MAP2: variants seen among roughly 807,000 people sequenced by gnomAD.
MAP2 encodes the protein microtubule-associated protein 2.
In MAP2, 14 loss-of-function variants were observed where a neutral mutation model predicts 137.6. The observed-to-expected ratio is 0.10, with a 90% CI of 0.07 to 0.16. The LOEUF (loss-of-function observed/expected upper bound fraction) is 0.16. Ranked by LOEUF, MAP2 falls within the 10% of genes least tolerant of loss-of-function variation. MAP2 has a pLI of 1.00. For synonymous variants in MAP2, 786 were observed against 782.3 expected (o/e 1.00, Z -0.08); for missense variants, 2,088 against 2,191.5 (o/e 0.95, Z 0.94).
At chr2:209,600,904 A>T (rs1030685602) in intron 3 of MAP2, among the ~76,000 whole-genome samples, 1 of 152,152 alleles carries the variant, frequency 6.6e-6, no homozygotes. Context: ...TTAAGCTTAC[A>T]CTTTCTTTAC....
Position 209,610,627 on chromosome 2 carries a change from C to T in MAP2, c.-106-14426C>T, listed in dbSNP as rs115187204. 7.5e-3 allele frequency among the ~76,000 whole-genome samples: 1,134 copies of T among 152,092 alleles called. 15 individuals carry two copies. The highest frequency in any genetic ancestry group is 0.026 in the African/African-American group (1,071 of 41,500). The stretch of plus-strand genomic sequence containing the variant: ...TGTATTATTTTCACAGGATAAACAG[C>T]CTCCTTATTAGAATTCTCCAATTCA... On this transcript the variant is annotated intron_variant, in intron 3 of 15. Coordinates refer to ENST00000682079, the MANE Select transcript of MAP2 (RefSeq NM_001375505.1).
chr2:209,544,360 T>C (rs2067624425), intron 2 of MAP2, among the ~76,000 whole-genome samples: 1 of 152,138 alleles, frequency 6.6e-6, no homozygotes, highest in African/African-American at 2.4e-5. Flanking sequence ...CAAAATGGTA[T>C]TGGGAGAAAT....
At chr2:209,501,908 C>T (rs1014313491) in intron 1 of MAP2, among the ~76,000 whole-genome samples, 25 of 152,138 alleles carry the variant, frequency 1.6e-4, no homozygotes, top group Non-Finnish European at 2.5e-4. Context: ...CACAGGACAG[C>T]TTGAGCCCAC....
chr2:209,655,931 G>A (rs542859185), intron 5 of MAP2, among the ~76,000 whole-genome samples: 1 of 152,104 alleles, frequency 6.6e-6, no homozygotes, highest in African/African-American at 2.4e-5. Flanking sequence ...TCCCCTCTTT[G>A]CATTTTAAAA....
At chr2:209,493,593 A>G (rs1210319939) in intron 1 of MAP2, among the ~76,000 whole-genome samples, 1 of 152,214 alleles carries the variant, frequency 6.6e-6, no homozygotes, top group Non-Finnish European at 1.5e-5. Context: ...ATTCACAAGA[A>G]AAAACAATCC....
chr2:209,512,221 AC>A (rs2061817391), intron 2 of MAP2, among the ~76,000 whole-genome samples: 1 of 152,138 alleles, frequency 6.6e-6, no homozygotes, highest in African/African-American at 2.4e-5. Context: ...TATGCTAATT[AC>A]TTTGATTATT....
At chr2:209,722,880 T>C (rs778950391) in intron 13 of MAP2, among the ~76,000 whole-genome samples, 5 of 152,228 alleles carry the variant, frequency 3.3e-5, no homozygotes, top group Non-Finnish European at 7.4e-5. Context: ...CCAATGGGCA[T>C]GGGTTTTCTT....
intron 14 of MAP2, among the ~76,000 whole-genome samples, chr2:209,726,141 A>G (rs538754856): frequency 5.8e-4 from 88 of 152,280 alleles, no homozygotes; most frequent in Non-Finnish European, 1.1e-3. Flanking sequence ...TAGCATTTCC[A>G]AGGTTTTTTT....
At chr2:209,560,579 A>G (rs2071806562) in intron 2 of MAP2, among the ~76,000 whole-genome samples, 1 of 151,222 alleles carries the variant, frequency 6.6e-6, no homozygotes, top group African/African-American at 2.4e-5. Flanking sequence ...TCCTGAGCTC[A>G]AGCAATCCCC....
chr2:209,722,107 G>A (rs2071335903), intron 13 of MAP2: 1 of 152,184 alleles, frequency 6.6e-6, no homozygotes, highest in Non-Finnish European at 1.5e-5. Flanking sequence ...TCCGTCTTAT[G>A]TGAAACATTT....
In MAP2 at chr2:209,694,822, A is replaced by G. The variant is rs779150458; in HGVS notation, c.2652A>G (p.Gln884=). 1.2e-6 allele frequency: 2 copies of G among 1,614,080 alleles called. No individual in the cohort carries two copies. The highest frequency in any genetic ancestry group is 1.7e-6 in the Non-Finnish European group (2 of 1,180,034). The change falls in exon 8 of 16, where the codon CAA becomes CAG. Residue 884 remains glutamine, a synonymous_variant. Transcript: ENST00000682079. The part of the protein sequence containing the change: ...KYTVPLPSPV[Q]DSENLSGESG... ...CAGTCCCATTGCCATCACCTGTTCA[A>G]GACAGTGAGAATTTATCAGGGGAGA...
Position 209,569,146 on chromosome 2 carries a change from G to T in MAP2, c.-171-10890G>T, listed in dbSNP as rs762124491. ...GGTTACTCAAACTCCCTATAAATGT[G>T]CCAAAGATGAAAAATCTAAAATTTG... On this transcript the variant is annotated intron_variant, in intron 2 of 15. Transcript: ENST00000682079. Among the ~76,000 whole-genome samples, 67 of 151,754 alleles carry T rather than the reference G, an allele frequency of 4.4e-4. 1 individual carries two copies. Among genetic ancestry groups the T allele is most frequent in the Middle Eastern group, 3.2e-3 (1 of 316 alleles).
At chr2:209,611,175 A>G (rs1242600007) in intron 3 of MAP2, among the ~76,000 whole-genome samples, 5 of 152,164 alleles carry the variant, frequency 3.3e-5, no homozygotes, top group African/African-American at 1.2e-4. Flanking sequence ...ATATCTTGAA[A>G]GCAGTATTCT....
intron 2 of MAP2, among the ~76,000 whole-genome samples, chr2:209,540,314 A>G (rs181607283): frequency 6.6e-6 from 1 of 151,970 alleles, no homozygotes; most frequent in Admixed American, 6.6e-5. Flanking sequence ...ATTTCTGGAT[A>G]TTGTCTCCAT....
At chr2:209,483,279 A>T (rs2057955355) in intron 1 of MAP2, among the ~76,000 whole-genome samples, 2 of 152,228 alleles carry the variant, frequency 1.3e-5, no homozygotes, top group Non-Finnish European at 2.9e-5. Context: ...AGAAGAGAAG[A>T]ATGTGAGTGT....
chr2:209,720,683 T>C (rs1438837684), intron 13 of MAP2, among the ~76,000 whole-genome samples: 3 of 151,062 alleles, frequency 2.0e-5, no homozygotes, highest in African/African-American at 7.3e-5. Flanking sequence ...TTGGCAGAGA[T>C]TAAAATGTGA....
intron 7 of MAP2, among the ~76,000 whole-genome samples, chr2:209,688,295 A>G (rs2057752925): frequency 6.6e-6 from 1 of 152,130 alleles, no homozygotes; most frequent in Non-Finnish European, 1.5e-5. Flanking sequence ...CTGGGGAAGA[A>G]CATATTCTTT....
chr2:209,436,030 A>ACAT (rs1459219355), intron 1 of MAP2, among the ~76,000 whole-genome samples: 1 of 137,330 alleles, frequency 7.3e-6, no homozygotes, highest in African/African-American at 2.6e-5. Flanking sequence ...TATAAAATAT[A>ACAT]TATATATGTA....
chr2:209,602,409 A>C (rs2083278986), intron 3 of MAP2, among the ~76,000 whole-genome samples: 1 of 152,180 alleles, frequency 6.6e-6, no homozygotes, highest in Admixed American at 6.6e-5. Flanking sequence ...CATGAATTGC[A>C]TTTGATTTCA....
Sources: gnomAD v4.1 joint callset for allele counts (sites outside exome capture counted in the v4.1 genomes callset) on GRCh38, gnomAD v4.1.1 for gene constraint, MANE v1.5 for transcripts, NCBI Gene and HGNC (gene_info 2026-07-23, HGNC 2026-07-21) for gene names.